Variants in AEBP2 observed in about 807,000 individuals in gnomAD.
AEBP2 encodes zinc finger protein AEBP2.
Under a neutral mutation model 50.8 loss-of-function variants are expected in AEBP2, and 10 were observed. The ratio of observed to expected loss-of-function variants is 0.20; its 90% CI spans 0.12 to 0.33. The LOEUF is 0.33. Among genes scored for constraint, AEBP2 ranks in the 10% least tolerant of loss-of-function variants. The pLI is 1.00. For missense variants in AEBP2, 570 were observed against 688.0 expected, an observed-to-expected ratio of 0.83 and a Z score of 1.92; for synonymous variants, 296 against 261.3, an observed-to-expected ratio of 1.13 and a Z score of -1.28.
Position 19,518,215 on chromosome 12 carries a change from C to CTTT in AEBP2, c.*100_*101insTTT. Reference sequence around the variant, plus strand: ...GAAAGTTGCACATTAGAGTCAACCCCTTCTTTTTTTTTTTTTTTTTTTTAA... The same window carrying CTTT: ...GAAAGTTGCACATTAGAGTCAACCCCTTTTTCTTTTTTTTTTTTTTTTTTTTAA... On this transcript the variant is annotated 3_prime_UTR_variant, in exon 8 of 8. Transcript: ENST00000266508. 3 of 1,273,462 alleles carry CTTT rather than the reference C, an allele frequency of 2.4e-6. No homozygotes were observed. The highest frequency in any genetic ancestry group is 4.8e-5 in the South Asian group (2 of 41,716). The allele number at this position is 1,273,462 out of a possible 1,614,324, so 78.9% of individuals were successfully genotyped here. A position where few individuals can be genotyped will look rare whatever the true frequency, so the allele number is the denominator to read the frequency against.
At chr12:19,451,245 C>G (rs187740550) in intron 1 of AEBP2, among the ~76,000 whole-genome samples, 73 of 152,242 alleles carry the variant, frequency 4.8e-4, no homozygotes, top group African/African-American at 1.5e-3. Flanking sequence ...TTCTGCTCTA[C>G]TTGGTATCAG....
chr12:19,415,221 G>A (rs1231387324), intron 1 of AEBP2, among the ~76,000 whole-genome samples: 1 of 148,824 alleles, frequency 6.7e-6, no homozygotes, highest in Non-Finnish European at 1.5e-5. Flanking sequence ...GGCTGACGTG[G>A]GAGAATCGCT....
chr12:19,518,414 T>G lies in AEBP2; in HGVS notation c.*297T>G. ...TTAGTAGAACAGCTTCTTAAAGGCT[T>G]TGCATGCTTGCTGCTTTAAGCTGCT... is the stretch of plus-strand genomic sequence containing the variant. On this transcript the variant is annotated 3_prime_UTR_variant, in exon 8 of 8. Coordinates refer to ENST00000266508, the MANE Select transcript of AEBP2 (RefSeq NM_153207.5). 8.1e-7 allele frequency: 1 copy of G among 1,232,632 alleles called. No homozygotes were observed. Among genetic ancestry groups the G allele is most frequent in the Middle Eastern group, 3.3e-4 (1 of 3,026 alleles). 76.4% of individuals were successfully genotyped at this position (1,232,632 alleles called of 1,614,324 possible). A position where few individuals can be genotyped will look rare whatever the true frequency, so the allele number is the denominator to read the frequency against.
chr12:19,419,504 G>T (rs543776280), intron 1 of AEBP2, among the ~76,000 whole-genome samples: 1 of 151,314 alleles, frequency 6.6e-6, no homozygotes, highest in South Asian at 2.1e-4. Flanking sequence ...CAGGAGAATC[G>T]CTTGAACCCA....
Position 19,518,112 on chromosome 12 carries a change from A to C in AEBP2, c.1507A>C (p.Arg503=). 1 of 1,598,248 alleles carries C rather than the reference A, an allele frequency of 6.3e-7. No homozygotes were observed. The highest frequency in any genetic ancestry group is 8.5e-7 in the Non-Finnish European group (1 of 1,172,012). The part of the protein sequence containing the change: ...YRTMPQKRLK[R] ...AACAATGCCGCAGAAGAGGTTGAAG[A>C]GGTAAAAAATAAATAAATACATAAA... The change falls in exon 8 of 8, where the codon AGG becomes CGG. Residue 503 remains arginine, a synonymous_variant. Coordinates refer to ENST00000266508, the MANE Select transcript of AEBP2 (RefSeq NM_153207.5).
In AEBP2 at chr12:19,461,126, C is replaced by T. The variant is rs567623809; in HGVS notation, c.672-1384C>T. ...GAACTTTTCCATGATAAAAACTTGG[C>T]GGGAGGGAAACATACCTCTTTAAAG... On this transcript the variant is annotated intron_variant, in intron 1 of 7. Coordinates refer to ENST00000266508, the MANE Select transcript of AEBP2 (RefSeq NM_153207.5). Among the ~76,000 whole-genome samples, 15 of 152,168 alleles carry T rather than the reference C, an allele frequency of 9.9e-5. No individual in the cohort carries two copies. The East Asian group carries it at 1.3e-3, about 14-fold the overall frequency.
At chr12:19,471,775 C>T (rs1012979952) in intron 2 of AEBP2, among the ~76,000 whole-genome samples, 5 of 152,138 alleles carry the variant, frequency 3.3e-5, no homozygotes, top group African/African-American at 9.7e-5. Context: ...AAGCCGTCCC[C>T]CTACCTCGGT....
intron 1 of AEBP2, among the ~76,000 whole-genome samples, chr12:19,448,427 G>A (rs1948111027): frequency 6.6e-6 from 1 of 151,738 alleles, no homozygotes; most frequent in African/African-American, 2.4e-5. Flanking sequence ...GGAGGTTGCA[G>A]TGATCTGAGA....
intron 1 of AEBP2, among the ~76,000 whole-genome samples, chr12:19,451,305 A>G (rs1169466304): frequency 6.6e-6 from 1 of 152,056 alleles, no homozygotes; most frequent in African/African-American, 2.4e-5. Context: ...ATGCCCACTG[A>G]CTCATGTCAT....
intron 1 of AEBP2, among the ~76,000 whole-genome samples, chr12:19,421,915 T>G (rs2095746051): frequency 6.6e-6 from 1 of 152,110 alleles, no homozygotes; most frequent in Non-Finnish European, 1.5e-5. Flanking sequence ...TTTGGGAGGC[T>G]GAGACAGGTG....
At chr12:19,499,038 G>A (rs909793893) in intron 4 of AEBP2, among the ~76,000 whole-genome samples, 1 of 151,998 alleles carries the variant, frequency 6.6e-6, no homozygotes, top group Non-Finnish European at 1.5e-5. Context: ...AAAAAAACCA[G>A]TTATATAAGC....
chr12:19,448,555 T>G (rs1441799808), intron 1 of AEBP2, among the ~76,000 whole-genome samples: 1 of 152,216 alleles, frequency 6.6e-6, no homozygotes, highest in Non-Finnish European at 1.5e-5. Flanking sequence ...TCACTCAGTA[T>G]GTCGTAGCCT....
In AEBP2 at chr12:19,479,989, G is replaced by A. The variant is rs537611631; in HGVS notation, c.987+6634G>A. On this transcript the variant is annotated intron_variant, in intron 3 of 7. Coordinates refer to ENST00000266508, the MANE Select transcript of AEBP2 (RefSeq NM_153207.5). The stretch of plus-strand genomic sequence containing the variant: ...GCCATTTACATTCGGTGTTAGTATT[G>A]AGATATGAAGTACTGTTGTATTCAT... Among the ~76,000 whole-genome samples the A allele has an allele frequency of 2.2e-4, 34 of 151,884 alleles. No homozygotes were observed. The South Asian group carries it at 2.7e-3, about 12-fold the overall frequency.
At chr12:19,511,979 G>A (rs151283266) in intron 5 of AEBP2, among the ~76,000 whole-genome samples, 1 of 152,162 alleles carries the variant, frequency 6.6e-6, no homozygotes, top group African/African-American at 2.4e-5. Context: ...AAGCAGGCAG[G>A]ATTACTATCT....
At chr12:19,452,961 C>CTTTTTTTTTTTTTT (rs34876719) in intron 1 of AEBP2, among the ~76,000 whole-genome samples, 1 of 106,900 alleles carries the variant, frequency 9.4e-6, no homozygotes, top group Non-Finnish European at 1.8e-5. Context: ...GACTTACGTT[C>CTTTTTTTTTTTTTT]TTTTTTTTTT....
chr12:19,480,457 T>A (rs1472429017), intron 3 of AEBP2, among the ~76,000 whole-genome samples: 2 of 152,218 alleles, frequency 1.3e-5, no homozygotes, highest in Non-Finnish European at 2.9e-5. Flanking sequence ...ATTTAGAACT[T>A]CTTTTAGCAT....
chr12:19,458,935 C>T (rs1338155070), intron 1 of AEBP2, among the ~76,000 whole-genome samples: 1 of 152,216 alleles, frequency 6.6e-6, no homozygotes, highest in African/African-American at 2.4e-5. Flanking sequence ...TCTCCCTCCC[C>T]AACTTAGGTA....
chr12:19,444,696 TG>T (rs1948027790), intron 1 of AEBP2, among the ~76,000 whole-genome samples: 1 of 152,266 alleles, frequency 6.6e-6, no homozygotes, highest in Non-Finnish European at 1.5e-5. Flanking sequence ...TAAAGAGCGC[TG>T]TGAACTGTTT....
At chr12:19,503,217 G>A (rs756225855) in intron 5 of AEBP2, among the ~76,000 whole-genome samples, 4 of 152,110 alleles carry the variant, frequency 2.6e-5, no homozygotes, top group Non-Finnish European at 4.4e-5. Flanking sequence ...CTTCCAATCT[G>A]TGAGCATGGA....
Sources: gnomAD v4.1 joint callset for allele counts (sites outside exome capture counted in the v4.1 genomes callset) on GRCh38, gnomAD v4.1.1 for gene constraint, MANE v1.5 for transcripts, NCBI Gene and HGNC (gene_info 2026-07-23, HGNC 2026-07-21) for gene names.